The following TOPBP1 variants were observed in gnomAD, a reference collection of about 807,000 sequenced individuals.
TOPBP1 encodes DNA topoisomerase 2-binding protein 1.
In TOPBP1, 28 loss-of-function variants were observed where a neutral mutation model predicts 167.7. The observed-to-expected ratio is 0.17, with a 90% CI of 0.12 to 0.23. TOPBP1 has a LOEUF of 0.23. Ranked by LOEUF, TOPBP1 falls within the 10% of genes least tolerant of loss-of-function variation. The pLI is 1.00. For missense variants in TOPBP1, 1,554 were observed against 1,809.6 expected (o/e 0.86, Z 2.56); for synonymous variants, 598 against 611.4 (o/e 0.98, Z 0.32).
At chr3:133,641,540 A>T (rs1935890374) in intron 12 of TOPBP1, among the ~76,000 whole-genome samples, 1 of 151,858 alleles carries the variant, frequency 6.6e-6, no homozygotes, top group Admixed American at 6.6e-5. Flanking sequence ...TCATTTTTAA[A>T]ATTTTTTGTA....
chr3:133,656,636 AT>A, intron 5 of TOPBP1, 39 bp downstream of exon 5: 1 of 1,536,728 alleles, frequency 6.5e-7, no homozygotes. Flanking sequence ...TGAATGCATC[AT>A]TTTTTCAAAT....
chr3:133,601,171 A>G lies in TOPBP1; in HGVS notation c.*79T>C. 7.7e-7 allele frequency: 1 copy of G among 1,297,876 alleles called. No homozygotes were observed. Among genetic ancestry groups the G allele is most frequent in the Non-Finnish European group, 1.1e-6 (1 of 941,874 alleles). The allele number at this position is 1,297,876 out of a possible 1,614,324, so 80.4% of individuals were successfully genotyped here. A position where few individuals can be genotyped will look rare whatever the true frequency, so the allele number is the denominator to read the frequency against. ...TTCAGGTACTCATCTTTAAATTACTACCCAAATCTATCACAGTCACATTCA... is the reference window on the plus strand; with the variant it reads ...TTCAGGTACTCATCTTTAAATTACTGCCCAAATCTATCACAGTCACATTCA... On this transcript the variant is annotated 3_prime_UTR_variant, in exon 28 of 28. Transcript: ENST00000260810.
At chr3:133,658,208 A>G (rs1936548960) in intron 3 of TOPBP1, among the ~76,000 whole-genome samples, 1 of 152,258 alleles carries the variant, frequency 6.6e-6, no homozygotes, top group Non-Finnish European at 1.5e-5. Flanking sequence ...TCACGCCTGT[A>G]ATGCCAGCAC....
chr3:133,603,175 C>T (rs1228202974), intron 27 of TOPBP1, among the ~76,000 whole-genome samples: 3 of 152,068 alleles, frequency 2.0e-5, no homozygotes, highest in African/African-American at 7.2e-5. Flanking sequence ...GGATTACAGG[C>T]GTGAGCCACC....
At chr3:133,628,833 G>A in intron 14 of TOPBP1, 100 bp from the exon 15 acceptor site, 4 of 1,211,694 alleles carry the variant, frequency 3.3e-6, no homozygotes, top group Admixed American at 2.8e-5. Context: ...AGGAGAGAGG[G>A]GTAAAGAGAG....
At chr3:133,633,543 C>A (rs562737538) in intron 14 of TOPBP1, among the ~76,000 whole-genome samples, 6 of 152,314 alleles carry the variant, frequency 3.9e-5, no homozygotes, top group African/African-American at 1.4e-4. Flanking sequence ...ATAACCCCAA[C>A]ACTTTGGGAG....
At chr3:133,634,072 G>T (rs1935583745) in intron 14 of TOPBP1, among the ~76,000 whole-genome samples, 1 of 152,196 alleles carries the variant, frequency 6.6e-6, no homozygotes, top group African/African-American at 2.4e-5. Context: ...GTTTGGACTG[G>T]CAACTCCATT....
chr3:133,625,788 T>C (rs1305414746), intron 16 of TOPBP1, among the ~76,000 whole-genome samples: 6 of 151,920 alleles, frequency 3.9e-5, no homozygotes, highest in Non-Finnish European at 7.4e-5. Context: ...TCCTAAGTTA[T>C]ATTATAAAAA....
chr3:133,646,567 C>T (rs564638615), intron 10 of TOPBP1, among the ~76,000 whole-genome samples: 6 of 151,064 alleles, frequency 4.0e-5, no homozygotes, highest in Admixed American at 6.6e-5. Flanking sequence ...AAGAGAATTG[C>T]GTGAACTCGG....
intron 14 of TOPBP1, among the ~76,000 whole-genome samples, chr3:133,632,018 T>C (rs1234192403): frequency 6.6e-6 from 1 of 152,182 alleles, no homozygotes; most frequent in Non-Finnish European, 1.5e-5. Flanking sequence ...ACGTGCTCAC[T>C]TCCCCTTCAT....
chr3:133,631,330 G>A (rs1272430176), intron 14 of TOPBP1, among the ~76,000 whole-genome samples: 2 of 152,122 alleles, frequency 1.3e-5, no homozygotes, highest in Non-Finnish European at 2.9e-5. Context: ...CCTATTTGTG[G>A]AGTATAATCT....
rs1935193163 is a variant in TOPBP1 at position 133,624,174 on chromosome 3, A to T, written c.2806T>A (p.Trp936Arg). 1 of 1,611,326 alleles carries T rather than the reference A, an allele frequency of 6.2e-7. No homozygotes were observed. Among genetic ancestry groups the T allele is most frequent in the Non-Finnish European group, 8.5e-7 (1 of 1,179,292 alleles). Reference protein sequence around the residue: ...IAASLGADYRWSFDETVTHFI... With the variant: ...IAASLGADYRRSFDETVTHFI... ...TGAGTCACTGTTTCATCAAAACTCC[A>T]CCTGAAATAACCAATACAAAAAAAC... The change falls in exon 17 of 28, where the codon TGG becomes AGG. Residue 936 changes from tryptophan to arginine, a missense_variant and splice_region_variant. Trp to Arg is a moderately radical substitution (Grantham distance 101, BLOSUM62 -3). Transcript: ENST00000260810.
At position 133,611,058 on chromosome 3, in the gene TOPBP1, T is replaced by C. The variant is rs1291160101; in HGVS notation, c.4119A>G (p.Ala1373=). 1 of 1,613,566 alleles carries C rather than the reference T, an allele frequency of 6.2e-7. No individual in the cohort carries two copies. The highest frequency in any genetic ancestry group is 1.3e-5 in the African/African-American group (1 of 74,920). ...INVQQRRLAL[A]AMRWRKKIQQ... The stretch of plus-strand genomic sequence containing the variant: ...GGATTTTTTTTCTCCATCTCATTGC[T>C]GCAAGTGCTAGTCTTCGTTGCTGTA... Residue 1373 remains alanine, a synonymous_variant, in exon 25 of 28, where the codon GCA becomes GCG. Coordinates refer to ENST00000260810, the MANE Select transcript of TOPBP1 (RefSeq NM_007027.4).
At chr3:133,607,203 T>C (rs1049450840) in intron 27 of TOPBP1, among the ~76,000 whole-genome samples, 4 of 152,180 alleles carry the variant, frequency 2.6e-5, no homozygotes, top group African/African-American at 9.6e-5. Flanking sequence ...TTATATTTAC[T>C]GGTTGAGCAA....
Position 133,644,124 on chromosome 3 carries a change from T to C in TOPBP1, c.1744A>G (p.Ile582Val). 6.2e-7 allele frequency: 1 copy of C among 1,613,958 alleles called. No individual in the cohort carries two copies. The highest frequency in any genetic ancestry group is 8.5e-7 in the Non-Finnish European group (1 of 1,179,872). ...ACAGTTCTGCTCAGAAGGGACATGA[T>C]TTTCCCAGCATTTTCTTTTATGATG... ...ANIIKENAGKIMSLLSRTVAD... is the reference protein window; with the variant it reads ...ANIIKENAGKVMSLLSRTVAD... The change falls in exon 11 of 28, where the codon ATC (isoleucine) becomes GTC (valine). Residue 582 changes from isoleucine (I) to valine (V), a missense_variant. By Grantham distance (29) the Ile-to-Val change is conservative. Around this residue, in one of 3 missense-constraint regions of TOPBP1, gnomAD observed 1,197 missense variants for 1,351.5 expected, o/e 0.89. Transcript: ENST00000260810.
chr3:133,626,897 A>C (rs1305785415), intron 16 of TOPBP1, among the ~76,000 whole-genome samples: 1 of 152,286 alleles, frequency 6.6e-6, no homozygotes, highest in East Asian at 1.9e-4. Flanking sequence ...TTGTAATAAA[A>C]TGAAGATGCT....
intron 23 of TOPBP1, among the ~76,000 whole-genome samples, chr3:133,615,745 A>G (rs191515987): frequency 5.9e-5 from 9 of 152,272 alleles, no homozygotes; most frequent in East Asian, 1.9e-4. Context: ...AATGATAAAT[A>G]TATGTTTAAA....
chr3:133,640,250 G>A, intron 12 of TOPBP1, 80 bp from the exon 13 acceptor site: 1 of 1,218,730 alleles, frequency 8.2e-7, no homozygotes, highest in Non-Finnish European at 1.2e-6. Context: ...CAACACAACA[G>A]TGTGGTTAGA....
intron 12 of TOPBP1, among the ~76,000 whole-genome samples, chr3:133,642,620 T>C (rs1357138655): frequency 6.6e-6 from 1 of 152,228 alleles, no homozygotes; most frequent in African/African-American, 2.4e-5. Context: ...AGTGGTGGTG[T>C]ATTCTTTGTA....
Sources: allele counts gnomAD v4.1 joint callset (sites outside exome capture counted in the v4.1 genomes callset), GRCh38; gene constraint gnomAD v4.1.1; regional missense constraint gnomAD v4.1.1; transcripts MANE v1.5; gene names NCBI Gene and HGNC (gene_info 2026-07-23, HGNC 2026-07-21).